The following GOT1 variants were observed in gnomAD, a reference collection of about 807,000 sequenced individuals.
The protein encoded by GOT1 is glutamic-oxaloacetic transaminase 1.
Under a neutral mutation model 48.2 loss-of-function variants are expected in GOT1, and 25 were observed. The observed-to-expected ratio is 0.52, with a 90% confidence interval of 0.38 to 0.72. The LOEUF is 0.72. Ranked by LOEUF, GOT1 falls within the 30% of genes least tolerant of loss-of-function variation. The probability of loss-of-function intolerance (pLI) is 0.00; values close to 1 mark genes in which losing one functional copy is unlikely to be tolerated. For missense variants in GOT1, 380 were observed against 520.1 expected, an observed-to-expected ratio of 0.73 and a Z score of 2.62; for synonymous variants, 188 against 193.8, an observed-to-expected ratio of 0.97 and a Z score of 0.25.
At chr10:99,405,082 G>A (rs369988547) in intron 5 of GOT1, among the ~76,000 whole-genome samples, 35 of 152,146 alleles carry the variant, frequency 2.3e-4, no homozygotes, top group African/African-American at 6.7e-4. Context: ...CTTAGTACTC[G>A]TCCATCTCCC....
chr10:99,414,586 AG>A (rs1310777821), intron 2 of GOT1, among the ~76,000 whole-genome samples: 3 of 152,124 alleles, frequency 2.0e-5, no homozygotes, highest in Admixed American at 1.3e-4. Context: ...CTGCATCAAG[AG>A]GACCTAATAG....
chr10:99,420,866 T>C, intron 1 of GOT1, 61 bp from the exon 2 acceptor site: 1 of 1,333,774 alleles, frequency 7.5e-7, no homozygotes, highest in South Asian at 1.3e-5. Context: ...GTTAAGAGTT[T>C]GTAACTGTGA....
intron 8 of GOT1, among the ~76,000 whole-genome samples, chr10:99,400,668 C>T (rs140698196): frequency 0.011 from 1,622 of 152,232 alleles, 18 homozygotes; most frequent in African/African-American, 0.032. Context: ...AGGCCAGGCA[C>T]AGTGGCTCAC....
In GOT1 at chr10:99,406,838, C is replaced by A. The variant is rs767135785; in HGVS notation, c.312G>T (p.Val104=). 1 of 1,613,904 alleles carries A rather than the reference C, an allele frequency of 6.2e-7. No homozygotes were observed. ...GTGCACCTGTTCCCCCCAAAGATTG[C>A]ACACCTCCTACCTGAAAGAGAAGAA... The part of the protein sequence containing the change: ...PALKEKRVGG[V]QSLGGTGALR... Residue 104 remains valine, a synonymous_variant, in exon 3 of 9, where the codon GTG becomes GTT. Coordinates refer to ENST00000370508, the MANE Select transcript of GOT1 (RefSeq NM_002079.3).
In GOT1 at chr10:99,397,692, G is replaced by GA. The variant is rs1163516142; in HGVS notation, c.1103-7dup. On this transcript the variant is annotated splice_region_variant and splice_polypyrimidine_tract_variant and intron_variant, in intron 8 of 8. Transcript: ENST00000370508. This position sits in a 1 kb window ranked among gnomAD's most constrained non-coding sequence, Gnocchi z 5.4. ...CAGATACTCAACCTGCTTGGCTGTT[G>GA]AAAACCAAAAGAAGACATAATCAGA... The GA allele has an allele frequency of 6.2e-7, 1 of 1,613,914 alleles. No homozygotes were observed. Among genetic ancestry groups the GA allele is most frequent in the Admixed American group, 1.7e-5 (1 of 60,020 alleles).
At chr10:99,417,212 A>T (rs1161960649) in intron 2 of GOT1, among the ~76,000 whole-genome samples, 3 of 152,278 alleles carry the variant, frequency 2.0e-5, no homozygotes, top group East Asian at 1.9e-4. Context: ...GAATCTACAA[A>T]GAACTCAAAC....
At position 99,430,473 on chromosome 10, in the gene GOT1, G is replaced by C. The variant is rs768475860; in HGVS notation, c.93C>G (p.Pro31=). Residue 31 remains proline, a synonymous_variant, in exon 1 of 9, where the codon CCC becomes CCG. Transcript: ENST00000370508. ...CTCCCACTCCCAGGTTGACCTTGCGGGGGTCCGGATCCTCCCTGAAGTCGG... is the reference window on the plus strand; with the variant it reads ...CTCCCACTCCCAGGTTGACCTTGCGCGGGTCCGGATCCTCCCTGAAGTCGG... The part of the protein sequence containing the change: ...LTADFREDPD[P]RKVNLGVGAY... The C allele has an allele frequency of 1.2e-6, 2 of 1,611,106 alleles. No individual in the cohort carries two copies. The highest frequency in any genetic ancestry group is 1.7e-6 in the Non-Finnish European group (2 of 1,178,120).
At position 99,420,563 on chromosome 10, in the gene GOT1, T is replaced by C. The variant is rs1479564976; in HGVS notation, c.300+61A>G. The C allele has an allele frequency of 4.7e-6, 6 of 1,272,674 alleles. No individual in the cohort carries two copies. The African/African-American group carries it at 7.4e-5, about 16-fold the overall frequency. 78.8% of individuals were successfully genotyped at this position (1,272,674 alleles called of 1,614,324 possible). Reference sequence around the variant, plus strand: ...CGCCTAATATTTTAAACAAACTGTATTCTCAACATCTTTTTACTTTCAGTT... The same window carrying C: ...CGCCTAATATTTTAAACAAACTGTACTCTCAACATCTTTTTACTTTCAGTT... On this transcript the variant is annotated intron_variant, in intron 2 of 8. Transcript: ENST00000370508.
chr10:99,419,176 A>G (rs1168288929), intron 2 of GOT1, among the ~76,000 whole-genome samples: 1 of 152,188 alleles, frequency 6.6e-6, no homozygotes, highest in East Asian at 1.9e-4. Flanking sequence ...AATAAATCAG[A>G]TGACTCCAAG....
chr10:99,399,475 T>C (rs2032643092), intron 8 of GOT1, among the ~76,000 whole-genome samples: 1 of 152,146 alleles, frequency 6.6e-6, no homozygotes, highest in South Asian at 2.1e-4. Context: ...TGCAAGTTAA[T>C]AAATTTGCAT....
rs567523650 is a variant in GOT1, at chr10:99,427,257, T to TTTTATTTA, written c.118+3183_118+3190dup. On this transcript the variant is annotated intron_variant, in intron 1 of 8. Coordinates refer to ENST00000370508, the MANE Select transcript of GOT1 (RefSeq NM_002079.3). The stretch of plus-strand genomic sequence containing the variant: ...TTGACTTTTAGTACAGTAGAATCTT[T>TTTTATTTA]TTTATTTATTTATTTATTTATTTAT... 5.3e-5 allele frequency among the ~76,000 whole-genome samples: 8 copies of TTTTATTTA among 152,096 alleles called. No individual in the cohort carries two copies. The East Asian group carries it at 1.4e-3, about 26-fold the overall frequency.
At chr10:99,424,222 T>G (rs2033008469) in intron 1 of GOT1, among the ~76,000 whole-genome samples, 1 of 152,214 alleles carries the variant, frequency 6.6e-6, no homozygotes, top group South Asian at 2.1e-4. Context: ...GCCTCAATAG[T>G]GCCAAATCTT....
At chr10:99,416,834 T>A (rs2032901439) in intron 2 of GOT1, among the ~76,000 whole-genome samples, 1 of 152,212 alleles carries the variant, frequency 6.6e-6, no homozygotes, top group Non-Finnish European at 1.5e-5. Flanking sequence ...GGGGAAAGGA[T>A]TCCCTATTTA....
chr10:99,406,034 G>A (rs1055647313), intron 4 of GOT1, 103 bp downstream of exon 4: 33 of 831,434 alleles, frequency 4.0e-5, no homozygotes, highest in Non-Finnish European at 6.9e-5. Flanking sequence ...CATCAGGTAT[G>A]GGGAAGGTGT....
At chr10:99,414,561 G>A (rs1345541374) in intron 2 of GOT1, among the ~76,000 whole-genome samples, 1 of 152,026 alleles carries the variant, frequency 6.6e-6, no homozygotes, top group South Asian at 2.1e-4. Context: ...GGATATCCAG[G>A]AATTGAACTC....
intron 2 of GOT1, among the ~76,000 whole-genome samples, chr10:99,411,336 A>G (rs1409118249): frequency 2.0e-5 from 3 of 152,238 alleles, no homozygotes. Flanking sequence ...AAGATCTGAA[A>G]GTGGAAAAGT....
chr10:99,419,608 A>T (rs1026035924), intron 2 of GOT1, among the ~76,000 whole-genome samples: 1 of 152,144 alleles, frequency 6.6e-6, no homozygotes, highest in African/African-American at 2.4e-5. Context: ...GGGAGTATTT[A>T]AAAAATATGC....
intron 8 of GOT1, among the ~76,000 whole-genome samples, chr10:99,398,670 C>T (rs1461630938): frequency 7.4e-6 from 1 of 134,840 alleles, no homozygotes; most frequent in Non-Finnish European, 1.6e-5. Context: ...GACTCTGTCT[C>T]AAAAAAAAAA....
At chr10:99,407,202 TG>T (rs1935560187) in intron 2 of GOT1, among the ~76,000 whole-genome samples, 1 of 152,010 alleles carries the variant, frequency 6.6e-6, no homozygotes, top group Non-Finnish European at 1.5e-5. Flanking sequence ...TGTGTGTGTG[TG>T]TGCATGCACG....
Sources: gnomAD v4.1 joint callset for allele counts (sites outside exome capture counted in the v4.1 genomes callset) on GRCh38, gnomAD v4.1.1 for gene constraint, Gnocchi (gnomAD v3.1) non-coding constraint, MANE v1.5 for transcripts, NCBI Gene and HGNC (gene_info 2026-07-23, HGNC 2026-07-21) for gene names.